Variants in GRHL2 observed in about 807,000 individuals in gnomAD.
The protein encoded by GRHL2 is grainyhead-like protein 2 homolog.
A neutral mutation model predicts 83.8 loss-of-function variants in GRHL2; 21 were observed. The ratio of observed to expected loss-of-function variants is 0.25; its 90% confidence interval spans 0.18 to 0.36. The LOEUF (loss-of-function observed/expected upper bound fraction) is 0.36. Among genes scored for constraint, GRHL2 ranks in the 10% least tolerant of loss-of-function variants. GRHL2 has a pLI of 1.00. For missense variants in GRHL2, 623 were observed against 781.8 expected, an observed-to-expected ratio of 0.80 and a Z score of 2.42; for synonymous variants, 280 against 278.9, an observed-to-expected ratio of 1.00 and a Z score of -0.04.
chr8:101,499,671 T>C (rs1367965954), intron 1 of GRHL2, among the ~76,000 whole-genome samples: 1 of 152,226 alleles, frequency 6.6e-6, no homozygotes, highest in Non-Finnish European at 1.5e-5. Flanking sequence ...ATTTTTAGTA[T>C]AAGAAAAGCC....
chr8:101,678,813 A>T, the GRHL2 span, among the ~76,000 whole-genome samples: 5 of 151,886 alleles, frequency 3.3e-5, no homozygotes, highest in African/African-American at 1.2e-4. Flanking sequence ...CAGCAGGGGC[A>T]CACTGACACC....
intron 9 of GRHL2, among the ~76,000 whole-genome samples, chr8:101,625,458 A>C: frequency 6.6e-6 from 1 of 152,132 alleles, no homozygotes; most frequent in East Asian, 1.9e-4. Flanking sequence ...GGGCAGAGAC[A>C]ATTATTGATT....
At chr8:101,512,162 T>A (rs1389729197) in intron 1 of GRHL2, among the ~76,000 whole-genome samples, 3 of 152,138 alleles carry the variant, frequency 2.0e-5, no homozygotes, top group African/African-American at 4.8e-5. Flanking sequence ...CTTTTTTTTT[T>A]AATGCAAACT....
chr8:101,590,975 A>G (rs549844328), intron 7 of GRHL2, among the ~76,000 whole-genome samples: 2 of 152,342 alleles, frequency 1.3e-5, no homozygotes, highest in South Asian at 2.1e-4. Flanking sequence ...GTTATAATTT[A>G]CCAAGCGTGT....
At chr8:101,671,457 TG>T (rs961071500), downstream of GRHL2, among the ~76,000 whole-genome samples, 4 of 144,888 alleles carry the variant, frequency 2.8e-5, no homozygotes, top group Admixed American at 2.0e-4. Context: ...GCAGCGATGC[TG>T]GGGGAGGGGC....
At chr8:101,566,908 A>G (rs890304433) in intron 4 of GRHL2, among the ~76,000 whole-genome samples, 1 of 152,164 alleles carries the variant, frequency 6.6e-6, no homozygotes, top group Non-Finnish European at 1.5e-5. Flanking sequence ...TCATGAGAGC[A>G]GGGACCTATT....
chr8:101,656,873 G>GACACACACACACACATACAC (rs1457012194), intron 14 of GRHL2, among the ~76,000 whole-genome samples: 4 of 147,270 alleles, frequency 2.7e-5, no homozygotes, highest in Non-Finnish European at 4.5e-5. Flanking sequence ...GTGTCTAACA[G>GACACACACACACACATACAC]ACACACACAC....
At chr8:101,495,373 G>A (rs1810075950) in intron 1 of GRHL2, among the ~76,000 whole-genome samples, 1 of 152,200 alleles carries the variant, frequency 6.6e-6, no homozygotes, top group African/African-American at 2.4e-5. Flanking sequence ...TTATGGTGTG[G>A]ACTTTTCAGA....
chr8:101,505,048 T>G (rs983267042), intron 1 of GRHL2, among the ~76,000 whole-genome samples: 3 of 151,122 alleles, frequency 2.0e-5, no homozygotes, highest in African/African-American at 7.3e-5. Flanking sequence ...TTGTAAAATG[T>G]GAGCAAAACC....
intron 5 of GRHL2, among the ~76,000 whole-genome samples, chr8:101,572,171 T>G (rs955422765): frequency 2.0e-5 from 3 of 152,230 alleles, no homozygotes; most frequent in African/African-American, 7.2e-5. Flanking sequence ...TTCAAAGCAG[T>G]CTGTGCCCTA....
chr8:101,506,037 A>G (rs780148245), intron 1 of GRHL2, among the ~76,000 whole-genome samples: 2 of 152,244 alleles, frequency 1.3e-5, no homozygotes, highest in Non-Finnish European at 2.9e-5. Context: ...TGTAGCAAAT[A>G]GTTCTAGAGT....
chr8:101,546,257 T>G (rs1811263225), intron 2 of GRHL2, among the ~76,000 whole-genome samples: 1 of 152,192 alleles, frequency 6.6e-6, no homozygotes, highest in African/African-American at 2.4e-5. Context: ...ATATTGATTA[T>G]ATTTAGGAGA....
intron 8 of GRHL2, among the ~76,000 whole-genome samples, chr8:101,614,622 G>T (rs2130357563): frequency 6.6e-6 from 1 of 152,218 alleles, no homozygotes; most frequent in Middle Eastern, 3.4e-3. Context: ...TTTTCCTTAA[G>T]CCCCTCTAAT....
chr8:101,612,520 GATACATACATACATAC>G lies in GRHL2; in HGVS notation c.1099-6999_1099-6984del, dbSNP rs58026460. Among the ~76,000 whole-genome samples, 86 of 123,772 alleles carry G rather than the reference GATACATACATACATAC, an allele frequency of 6.9e-4. 4 individuals are homozygous for G. Among genetic ancestry groups the G allele is most frequent in the Admixed American group, 2.8e-3 (35 of 12,632 alleles). 81.2% of individuals were successfully genotyped at this position (123,772 alleles called of 152,430 possible). A position where few individuals can be genotyped will look rare whatever the true frequency, so the allele number is the denominator to read the frequency against. On this transcript the variant is annotated intron_variant, in intron 8 of 15. Coordinates refer to ENST00000646743, the MANE Select transcript of GRHL2 (RefSeq NM_024915.4). ...AGATAGATAGATAGATAGATAGATA[GATACATACATACATAC>G]ATACATACATACATACATAGATATT...
chr8:101,611,447 T>A (rs1179381249), intron 8 of GRHL2, among the ~76,000 whole-genome samples: 2 of 150,688 alleles, frequency 1.3e-5, no homozygotes, highest in Non-Finnish European at 2.9e-5. Flanking sequence ...TGTGGACACC[T>A]CCTTCATCTC....
intron 3 of GRHL2, among the ~76,000 whole-genome samples, chr8:101,556,866 T>G (rs1309848422): frequency 1.3e-5 from 2 of 152,210 alleles, no homozygotes; most frequent in African/African-American, 4.8e-5. Context: ...TCCTTCAAAT[T>G]ACCATGTTTG....
rs67985027 is a variant in GRHL2, at chr8:101,586,065, C to CTTTTTTTTTTT, written c.1003+8561_1003+8571dup. Among the ~76,000 whole-genome samples the CTTTTTTTTTTT allele has an allele frequency of 9.5e-4, 90 of 94,338 alleles. 10 individuals carry two copies. Among genetic ancestry groups the CTTTTTTTTTTT allele is most frequent in the African/African-American group, 3.3e-3 (76 of 23,284 alleles). 61.9% of individuals were successfully genotyped at this position (94,338 alleles called of 152,430 possible). ...TCTTCTTTCCTTCCACCTCATGTTT[C>CTTTTTTTTTTT]TTTTTTTTTTTTTTTTTTTTTTTTT... On this transcript the variant is annotated intron_variant, in intron 7 of 15. Coordinates refer to ENST00000646743, the MANE Select transcript of GRHL2 (RefSeq NM_024915.4).
intron 1 of GRHL2, among the ~76,000 whole-genome samples, chr8:101,525,372 A>G (rs1388084359): frequency 6.6e-6 from 1 of 152,180 alleles, no homozygotes; most frequent in Admixed American, 6.5e-5. Context: ...TATGTGGGTT[A>G]TATCTATTGA....
intron 4 of GRHL2, among the ~76,000 whole-genome samples, chr8:101,562,845 T>G (rs908168401): frequency 6.6e-6 from 1 of 152,200 alleles, no homozygotes; most frequent in African/African-American, 2.4e-5. Context: ...CCTAGGCCAA[T>G]AAAAGACAAT....
Sources: gnomAD v4.1 joint callset for allele counts (sites outside exome capture counted in the v4.1 genomes callset) on GRCh38, gnomAD v4.1.1 for gene constraint, MANE v1.5 for transcripts, NCBI Gene and HGNC (gene_info 2026-07-23, HGNC 2026-07-21) for gene names.